Variants in CAMTA1 observed in about 807,000 individuals in gnomAD.
CAMTA1 encodes the protein calmodulin binding transcription activator 1.
A neutral mutation model predicts 170.9 loss-of-function variants in CAMTA1; 27 were observed. The ratio of observed to expected loss-of-function variants is 0.16; its 90% CI spans 0.12 to 0.22. CAMTA1 has a LOEUF of 0.22. Ranked by LOEUF, CAMTA1 falls within the 10% of genes least tolerant of loss-of-function variation. The pLI is 1.00. For missense variants in CAMTA1, 1,619 were observed against 2,217.2 expected (o/e 0.73, Z 5.42); for synonymous variants, 833 against 891.5 (o/e 0.93, Z 1.17).
At chr1:6,963,398 CCT>C (rs1438166208) in intron 3 of CAMTA1, among the ~76,000 whole-genome samples, 2 of 151,372 alleles carry the variant, frequency 1.3e-5, no homozygotes, top group Non-Finnish European at 2.9e-5. Flanking sequence ...CGGGCCCCAC[CCT>C]GTTTTCCTGG....
chr1:6,883,062 T>C (rs1672059023), intron 3 of CAMTA1, among the ~76,000 whole-genome samples: 1 of 151,904 alleles, frequency 6.6e-6, no homozygotes, highest in Admixed American at 6.6e-5. Context: ...CCTGGCCAAT[T>C]TTTTTATTTT....
chr1:7,676,736 C>T (rs1251913607), intron 10 of CAMTA1, among the ~76,000 whole-genome samples: 1 of 152,174 alleles, frequency 6.6e-6, no homozygotes, highest in African/African-American at 2.4e-5. Flanking sequence ...CCTGGCGGGG[C>T]AGTGTGCACA....
intron 6 of CAMTA1, among the ~76,000 whole-genome samples, chr1:7,542,872 TG>T (rs59490637): frequency 1.9e-4 from 28 of 146,274 alleles, no homozygotes; most frequent in African/African-American, 6.3e-4. Context: ...TGTGTGTGTG[TG>T]TGTGTGTTTG....
chr1:6,832,833 A>G (rs1650997635), intron 3 of CAMTA1, among the ~76,000 whole-genome samples: 1 of 152,254 alleles, frequency 6.6e-6, no homozygotes, highest in Admixed American at 6.5e-5. Context: ...TTTAAGAGTG[A>G]CATTATGTGA....
At chr1:7,710,079 C>T (rs1013705045) in intron 11 of CAMTA1, among the ~76,000 whole-genome samples, 1 of 152,178 alleles carries the variant, frequency 6.6e-6, no homozygotes, top group Non-Finnish European at 1.5e-5. Flanking sequence ...CGCATAAGGC[C>T]TGAAAGAGTT....
intron 4 of CAMTA1, among the ~76,000 whole-genome samples, chr1:7,200,185 G>A (rs1573847994): frequency 6.6e-6 from 1 of 152,196 alleles, no homozygotes; most frequent in East Asian, 1.9e-4. Flanking sequence ...GTATATATAT[G>A]AAGTGGTGTA....
Position 7,173,832 on chromosome 1 carries a change from C to A in CAMTA1, c.303-75659C>A, listed in dbSNP as rs1222471550. Among the ~76,000 whole-genome samples, 1 of 152,026 alleles carries A rather than the reference C, an allele frequency of 6.6e-6. No homozygotes were observed. Among genetic ancestry groups the A allele is most frequent in the African/African-American group, 2.4e-5 (1 of 41,354 alleles). On this transcript the variant is annotated intron_variant, in intron 4 of 22. Coordinates refer to ENST00000303635, the MANE Select transcript of CAMTA1 (RefSeq NM_015215.4). The surrounding 1 kb of genome is among the most constrained non-coding windows in gnomAD (Gnocchi z 5.4). ...ACTCAACATGGCTCAGTGGACTGGA[C>A]CCCAGCAGAACTTAGCAGAACCCAA...
intron 3 of CAMTA1, among the ~76,000 whole-genome samples, chr1:6,854,779 G>A (rs748374177): frequency 4.6e-5 from 7 of 152,082 alleles, no homozygotes; most frequent in Non-Finnish European, 8.8e-5. Context: ...TAATGTCAGA[G>A]GTGCAAAAAT....
chr1:7,370,224 G>A (rs1218385974), intron 5 of CAMTA1: 1 of 152,290 alleles, frequency 6.6e-6, no homozygotes, highest in Non-Finnish European at 1.5e-5. Context: ...TTGATTTGAT[G>A]TATATGAAGA....
intron 5 of CAMTA1, among the ~76,000 whole-genome samples, chr1:7,253,323 G>A (rs1336756917): frequency 6.6e-6 from 1 of 152,174 alleles, no homozygotes; most frequent in Non-Finnish European, 1.5e-5. Flanking sequence ...GTTAGTCAGA[G>A]GTGATGCTGT....
At chr1:7,284,158 T>TCTTCTTCTG (rs1166934121) in intron 5 of CAMTA1, among the ~76,000 whole-genome samples, 1 of 115,942 alleles carries the variant, frequency 8.6e-6, no homozygotes, top group African/African-American at 3.5e-5. Flanking sequence ...TTCTTCTTCT[T>TCTTCTTCTG]CTTCTTCTTC....
At position 7,737,332 on chromosome 1, in the gene CAMTA1, C is replaced by T. The variant is rs563129438; in HGVS notation, c.3420C>T (p.Pro1140=). Reference sequence around the variant, plus strand: ...GGGACCGTCGGGCCATCTCGATTCCCGACTCTCTAGGAAGGCTGCCTTTGG... The same window carrying T: ...GGGACCGTCGGGCCATCTCGATTCCTGACTCTCTAGGAAGGCTGCCTTTGG... ...YKWDRRAISI[P]DSLGRLPLGI... Residue 1140 remains proline, a synonymous_variant, in exon 15 of 23, where the codon CCC becomes CCT. Transcript: ENST00000303635. 2.1e-4 allele frequency: 331 copies of T among 1,614,190 alleles called. 7 individuals are homozygous for T. In the South Asian group the frequency reaches 3.4e-3, roughly 16 times the overall value.
chr1:7,149,314 C>T (rs1196894929), intron 4 of CAMTA1, among the ~76,000 whole-genome samples: 1 of 152,204 alleles, frequency 6.6e-6, no homozygotes, highest in Non-Finnish European at 1.5e-5. Context: ...GACTTTCTGG[C>T]AGGGCACCGT....
At chr1:7,239,045 G>A (rs867772619) in intron 4 of CAMTA1, among the ~76,000 whole-genome samples, 2 of 152,082 alleles carry the variant, frequency 1.3e-5, no homozygotes, top group Admixed American at 1.3e-4. Flanking sequence ...AATAATTGTT[G>A]TTTCTTTGAA....
At position 7,565,922 on chromosome 1, in the gene CAMTA1, T is replaced by C. The variant is rs1235100803; in HGVS notation, c.511-74478T>C. 2.0e-5 allele frequency among the ~76,000 whole-genome samples: 3 copies of C among 147,522 alleles called. No homozygotes were observed. ...GCCTTCTCGCTGTGTCCTCACATAG[T>C]AGGGAGAGAGAGAGAGAGAGAGAGA... is the stretch of plus-strand genomic sequence containing the variant. On this transcript the variant is annotated intron_variant, in intron 6 of 22. Transcript: ENST00000303635. The surrounding 1 kb of genome is among the most constrained non-coding windows in gnomAD (Gnocchi z 4.5).
intron 4 of CAMTA1, among the ~76,000 whole-genome samples, chr1:7,240,642 CTCCTGAGTAGCTGGG>C (rs1664703547): frequency 6.6e-6 from 1 of 151,860 alleles, no homozygotes; most frequent in African/African-American, 2.4e-5. Context: ...TCACCTCAGC[CTCCTGAGTAGCTGGG>C]ACCACAGGCA....
chr1:7,630,722 C>T (rs541445340), intron 6 of CAMTA1, among the ~76,000 whole-genome samples: 6 of 152,364 alleles, frequency 3.9e-5, no homozygotes, highest in African/African-American at 1.4e-4. Flanking sequence ...GGCAGCCTAC[C>T]TCTGCCCTCG....
intron 4 of CAMTA1, among the ~76,000 whole-genome samples, chr1:7,187,763 C>T (rs954103938): frequency 3.3e-5 from 5 of 152,198 alleles, no homozygotes; most frequent in African/African-American, 4.8e-5. Context: ...CACCCTTTCC[C>T]CCTCCATCCC....
At chr1:7,489,861 C>T (rs927604153) in intron 6 of CAMTA1, among the ~76,000 whole-genome samples, 1 of 152,192 alleles carries the variant, frequency 6.6e-6, no homozygotes, top group South Asian at 2.1e-4. Context: ...GTCCCCACTC[C>T]TCCATGTCTG....
Sources: gnomAD v4.1 joint callset for allele counts (sites outside exome capture counted in the v4.1 genomes callset) on GRCh38, gnomAD v4.1.1 for gene constraint, Gnocchi (gnomAD v3.1) non-coding constraint, MANE v1.5 for transcripts, NCBI Gene and HGNC (gene_info 2026-07-23, HGNC 2026-07-21) for gene names.